The following ABCA4 variants were observed in gnomAD, a reference collection of about 807,000 sequenced individuals.
The protein encoded by ABCA4 is retinal-specific phospholipid-transporting ATPase ABCA4.
Under a neutral mutation model 263.7 loss-of-function variants are expected in ABCA4, and 196 were observed. The observed-to-expected ratio is 0.74, with a 90% CI of 0.66 to 0.84. The LOEUF is 0.84. ABCA4 is among the 40% of genes least tolerant of loss of function. The probability of loss-of-function intolerance (pLI) is 0.00; values close to 1 mark genes in which losing one functional copy is unlikely to be tolerated. For missense variants in ABCA4, 2,792 were observed against 2,855.1 expected, an observed-to-expected ratio of 0.98 and a Z score of 0.50; for synonymous variants, 1,133 against 1,094.2, an observed-to-expected ratio of 1.04 and a Z score of -0.70.
At position 94,044,603 on chromosome 1, in the gene ABCA4, T is replaced by G. The variant is rs1660618705; in HGVS notation, c.3050+10A>C. On this transcript the variant is annotated intron_variant, in intron 20 of 49. Coordinates refer to ENST00000370225, the MANE Select transcript of ABCA4 (RefSeq NM_000350.3). ...GGGGATGGGGCGGTCTCAGTTCCTG[T>G]GTCGCTTACTGGTGGAACAGGATGT... is the stretch of plus-strand genomic sequence containing the variant. The G allele has an allele frequency of 6.2e-7, 1 of 1,614,182 alleles. No homozygotes were observed. The highest frequency in any genetic ancestry group is 8.5e-7 in the Non-Finnish European group (1 of 1,180,018).
intron 17 of ABCA4, among the ~76,000 whole-genome samples, chr1:94,051,069 T>C (rs189290050): frequency 9.9e-4 from 151 of 152,334 alleles, no homozygotes; most frequent in African/African-American, 3.4e-3. Context: ...TTACCTAAGA[T>C]GTGTTGTGGG....
chr1:94,025,219 C>T (rs936727826), intron 30 of ABCA4, among the ~76,000 whole-genome samples, 171 bp from the exon 31 acceptor site: 1 of 152,206 alleles, frequency 6.6e-6, no homozygotes, highest in African/African-American at 2.4e-5. Context: ...TGTAACTCAT[C>T]TTTGATGCCT....
At chr1:94,101,376 G>A (rs1412686988) in intron 5 of ABCA4, among the ~76,000 whole-genome samples, 3 of 152,208 alleles carry the variant, frequency 2.0e-5, no homozygotes, top group Non-Finnish European at 4.4e-5. Context: ...CCTGGCCGGA[G>A]CCGCACCACC....
intron 22 of ABCA4, among the ~76,000 whole-genome samples, chr1:94,042,052 T>A (rs909360642): frequency 1.4e-5 from 2 of 138,086 alleles, no homozygotes; most frequent in African/African-American, 5.6e-5. Context: ...TGAGTGGAGA[T>A]TGCGCCACTG....
intron 11 of ABCA4, among the ~76,000 whole-genome samples, chr1:94,072,001 T>C (rs1661412422): frequency 6.6e-6 from 1 of 152,242 alleles, no homozygotes; most frequent in African/African-American, 2.4e-5. Context: ...TTTATATATC[T>C]GAGTCTAAAG....
chr1:94,038,861 G>A (rs1000970333), intron 24 of ABCA4, among the ~76,000 whole-genome samples: 1 of 151,948 alleles, frequency 6.6e-6, no homozygotes, highest in African/African-American at 2.4e-5. Flanking sequence ...AGCTAACTGG[G>A]GATTCAAATG....
chr1:94,017,864 T>G (rs1249386504), intron 36 of ABCA4, among the ~76,000 whole-genome samples: 3 of 152,220 alleles, frequency 2.0e-5, no homozygotes, highest in African/African-American at 7.2e-5. Context: ...AATTTTAAAG[T>G]AAAGAAAAAT....
At chr1:94,117,760 AC>A (rs1267533997) in intron 1 of ABCA4, among the ~76,000 whole-genome samples, 3 of 151,866 alleles carry the variant, frequency 2.0e-5, no homozygotes, top group Non-Finnish European at 4.4e-5. Flanking sequence ...CTTCTACTCC[AC>A]GGTCTCCACG....
At chr1:94,071,359 T>G (rs1209968689) in intron 11 of ABCA4, among the ~76,000 whole-genome samples, 2 of 152,244 alleles carry the variant, frequency 1.3e-5, no homozygotes, top group East Asian at 3.8e-4. Context: ...ATCATAATAG[T>G]GCCTATTATG....
chr1:94,030,566 C>T lies in ABCA4; in HGVS notation c.4254-40G>A, dbSNP rs184746707. The T allele has an allele frequency of 4.2e-5, 67 of 1,579,322 alleles. No homozygotes were observed. In the African/African-American group the frequency reaches 7.1e-4, roughly 17 times the overall value. ...ACATGTGACTGGGACAGAGCAGGCGCGTGCCAACATCATGCAACTCAGAGC... is the reference window on the plus strand; with the variant it reads ...ACATGTGACTGGGACAGAGCAGGCGTGTGCCAACATCATGCAACTCAGAGC... On this transcript the variant is annotated intron_variant, in intron 28 of 49. Transcript: ENST00000370225.
At position 94,080,634 on chromosome 1, in the gene ABCA4, G is replaced by C. The variant is rs986641166; in HGVS notation, c.943C>G (p.Leu315Val). 1.2e-6 allele frequency: 2 copies of C among 1,614,010 alleles called. No homozygotes were observed. The highest frequency in any genetic ancestry group is 2.7e-5 in the African/African-American group (2 of 74,900). The change falls in exon 8 of 50, where the codon CTG becomes GTG. Residue 315 changes from leucine to valine, a missense_variant. Physicochemically the swap from Leu to Val is conservative, Grantham distance 32 (BLOSUM62 1). Transcript: ENST00000370225. ...AGGAGGTCAGACAGGATGCCCATCA[G>C]CTTTGTAAAGGTCTCTGGACCACCA... is the stretch of plus-strand genomic sequence containing the variant. ...QNGGPETFTK[L>V]MGILSDLLCG...
intron 36 of ABCA4, chr1:94,018,434 G>A (rs1659796606): frequency 1.5e-5 from 6 of 387,700 alleles, no homozygotes; most frequent in South Asian, 1.2e-4. Context: ...GTGCATTTAT[G>A]AGTGTTTCCT....
intron 19 of ABCA4, chr1:94,045,656 T>C (rs905156321): frequency 4.6e-6 from 2 of 434,302 alleles, no homozygotes; most frequent in African/African-American, 4.0e-5. Flanking sequence ...TCTCAGGCTA[T>C]CTGAACTTGT....
chr1:94,099,104 C>T (rs747005578), intron 5 of ABCA4, 113 bp from the exon 6 acceptor site: 62 of 1,211,486 alleles, frequency 5.1e-5, no homozygotes, highest in Admixed American at 4.8e-4. Flanking sequence ...GAATTAAGAT[C>T]GCAGATGGGA....
At chr1:94,014,099 C>T (rs1203664017) in intron 38 of ABCA4, among the ~76,000 whole-genome samples, 2 of 151,876 alleles carry the variant, frequency 1.3e-5, no homozygotes, top group Non-Finnish European at 2.9e-5. Flanking sequence ...AAGTTTATTG[C>T]AAGAATCAAG....
chr1:94,017,233 A>C (rs1659768811), intron 36 of ABCA4, among the ~76,000 whole-genome samples: 1 of 152,204 alleles, frequency 6.6e-6, no homozygotes, highest in South Asian at 2.1e-4. Flanking sequence ...TACAGTGAAG[A>C]AGCTCAGCAG....
intron 2 of ABCA4, among the ~76,000 whole-genome samples, chr1:94,112,607 G>A (rs542912803): frequency 6.6e-6 from 1 of 152,218 alleles, no homozygotes; most frequent in East Asian, 1.9e-4. Flanking sequence ...AGACCAGCCC[G>A]GGCAATGTAG....
chr1:94,056,799 G>A lies in ABCA4; in HGVS notation c.2184C>T (p.Ser728=), dbSNP rs776910485. ...FIMHGRILHY[S]DPFILFLFLL... ...AGAACAGGAAGAGGATGAATGGGTC[G>A]CTGTAATGTAGGATTCTTCCATGCT... The change falls in exon 15 of 50, where the codon AGC becomes AGT. Residue 728 remains serine, a synonymous_variant. Transcript: ENST00000370225. 30 of 1,608,704 alleles carry A rather than the reference G, an allele frequency of 1.9e-5. No individual in the cohort carries two copies. The highest frequency in any genetic ancestry group is 4.0e-5 in the African/African-American group (3 of 74,798).
At chr1:94,120,949 T>C (rs1297458533) in intron 1 of ABCA4, 31 bp downstream of exon 1, 1 of 1,119,276 alleles carries the variant, frequency 8.9e-7, no homozygotes, top group Admixed American at 2.3e-5. Flanking sequence ...GCTCCACACC[T>C]CATTTTTAAA....
Sources: gnomAD v4.1 joint callset for allele counts (sites outside exome capture counted in the v4.1 genomes callset) on GRCh38, gnomAD v4.1.1 for gene constraint, MANE v1.5 for transcripts, NCBI Gene and HGNC (gene_info 2026-07-23, HGNC 2026-07-21) for gene names.